Variants in PRKACB observed in about 807,000 individuals in gnomAD.
The protein encoded by PRKACB is protein kinase cAMP-activated catalytic subunit beta.
A neutral mutation model predicts 51.4 loss-of-function variants in PRKACB; 16 were observed. The observed-to-expected ratio is 0.31, with a 90% confidence interval of 0.21 to 0.47. PRKACB has a LOEUF of 0.47. Ranked by LOEUF, PRKACB falls within the 20% of genes least tolerant of loss-of-function variation. The probability of loss-of-function intolerance (pLI) is 1.00; values close to 1 mark genes in which losing one functional copy is unlikely to be tolerated. For synonymous variants in PRKACB, 147 were observed against 154.4 expected (o/e 0.95, Z 0.35); for missense variants, 309 against 464.5 (o/e 0.67, Z 3.08).
intron 1 of PRKACB, among the ~76,000 whole-genome samples, chr1:84,150,586 A>G (rs946191699): frequency 1.3e-5 from 2 of 152,030 alleles, no homozygotes; most frequent in African/African-American, 4.8e-5. Flanking sequence ...TTATTAGTTC[A>G]TGCAATAACT....
chr1:84,233,064 T>C (rs1471710784), intron 9 of PRKACB, among the ~76,000 whole-genome samples: 1 of 151,628 alleles, frequency 6.6e-6, no homozygotes, highest in South Asian at 2.1e-4. Context: ...GTTGTTCCTT[T>C]CCATGTTTAG....
At chr1:84,110,786 T>A (rs1650169732) in intron 1 of PRKACB, among the ~76,000 whole-genome samples, 1 of 152,070 alleles carries the variant, frequency 6.6e-6, no homozygotes, top group Admixed American at 6.6e-5. Context: ...TTGCTGGATA[T>A]GAACCCTGCA....
intron 8 of PRKACB, among the ~76,000 whole-genome samples, chr1:84,208,165 G>C (rs986916763): frequency 6.6e-6 from 1 of 152,196 alleles, no homozygotes; most frequent in Non-Finnish European, 1.5e-5. Context: ...CAGTAAACTA[G>C]ATAGTGAGTT....
At chr1:84,088,689 T>C (rs1648214716) in intron 1 of PRKACB, among the ~76,000 whole-genome samples, 1 of 152,184 alleles carries the variant, frequency 6.6e-6, no homozygotes, top group African/African-American at 2.4e-5. Context: ...AAGCCATAGT[T>C]CAATTCATAG....
At chr1:84,128,046 T>C (rs1026125303) in intron 1 of PRKACB, among the ~76,000 whole-genome samples, 2 of 146,036 alleles carry the variant, frequency 1.4e-5, no homozygotes, top group African/African-American at 5.1e-5. Flanking sequence ...TTCACTCTTG[T>C]CACCCAGGCT....
At chr1:84,154,066 A>G (rs529976276) in intron 1 of PRKACB, among the ~76,000 whole-genome samples, 1 of 152,226 alleles carries the variant, frequency 6.6e-6, no homozygotes, top group East Asian at 1.9e-4. Context: ...AGCCATTCTA[A>G]CAGATGTGAG....
At chr1:84,232,927 T>C (rs1363598336) in intron 9 of PRKACB, among the ~76,000 whole-genome samples, 2 of 152,128 alleles carry the variant, frequency 1.3e-5, no homozygotes, top group Non-Finnish European at 2.9e-5. Context: ...AAAGTTAATA[T>C]TGTTATGTGT....
intron 1 of PRKACB, chr1:84,175,802 C>T: frequency 1.3e-6 from 2 of 1,566,786 alleles, no homozygotes; most frequent in Admixed American, 1.9e-5. Context: ...CATGTAGATT[C>T]CTTTGGTATG....
chr1:84,194,975 C>T (rs1199802162), intron 5 of PRKACB, among the ~76,000 whole-genome samples: 1 of 152,080 alleles, frequency 6.6e-6, no homozygotes, highest in East Asian at 1.9e-4. Flanking sequence ...TCCAATTAAA[C>T]ACCAGCATAT....
chr1:84,166,883 A>G (rs1167968523), intron 1 of PRKACB, among the ~76,000 whole-genome samples: 1 of 151,570 alleles, frequency 6.6e-6, no homozygotes, highest in Non-Finnish European at 1.5e-5. Flanking sequence ...CCATGCCTAC[A>G]TCTTCAGTCA....
chr1:84,082,954 A>G (rs77726243), intron 1 of PRKACB, among the ~76,000 whole-genome samples: 1,705 of 152,308 alleles, frequency 0.011, 51 homozygotes, highest in East Asian at 0.074. Context: ...TTATTTCCTC[A>G]GAATAAGCAT....
intron 1 of PRKACB, among the ~76,000 whole-genome samples, chr1:84,174,736 AT>A (rs926037515): frequency 6.6e-6 from 1 of 151,886 alleles, no homozygotes; most frequent in African/African-American, 2.4e-5. Flanking sequence ...GTATGTCAAT[AT>A]TTGCTTCTTA....
chr1:84,231,891 T>C (rs1675741248), intron 9 of PRKACB, among the ~76,000 whole-genome samples: 1 of 151,730 alleles, frequency 6.6e-6, no homozygotes, highest in African/African-American at 2.4e-5. Flanking sequence ...TCATTAATTT[T>C]TTGAAGGGTT....
chr1:84,214,858 T>C (rs776697873), intron 9 of PRKACB, among the ~76,000 whole-genome samples: 68 of 152,202 alleles, frequency 4.5e-4, no homozygotes, highest in Non-Finnish European at 8.5e-4. Context: ...GTTTCCTTTG[T>C]TAAATTTTTC....
chr1:84,235,651 G>T lies in PRKACB; in HGVS notation c.*346G>T. 1 of 187,892 alleles carries T rather than the reference G, an allele frequency of 5.3e-6. No homozygotes were observed. The highest frequency in any genetic ancestry group is 1.3e-4 in the South Asian group (1 of 7,510). 11.6% of individuals were successfully genotyped at this position (187,892 alleles called of 1,614,324 possible). On this transcript the variant is annotated 3_prime_UTR_variant, in exon 10 of 10. Transcript: ENST00000370685. Reference sequence around the variant, plus strand: ...TTTGTTGGTGTTTCAGATGGGCAGTGTTATGGCTACGTGATATTTGAAGGG... The same window carrying T: ...TTTGTTGGTGTTTCAGATGGGCAGTTTTATGGCTACGTGATATTTGAAGGG...
At chr1:84,205,319 A>G (rs547305807) in intron 8 of PRKACB, 8 of 945,330 alleles carry the variant, frequency 8.5e-6, no homozygotes, top group African/African-American at 1.8e-5. Flanking sequence ...ATGTGTCTCT[A>G]TTCACATTGC....
chr1:84,078,562 C>G (rs1235751398), intron 1 of PRKACB, among the ~76,000 whole-genome samples: 1 of 152,228 alleles, frequency 6.6e-6, no homozygotes. Context: ...GCGTTGAGAG[C>G]TGAACGCGAA....
chr1:84,149,184 A>AT (rs1654519008), intron 1 of PRKACB, among the ~76,000 whole-genome samples: 1 of 152,190 alleles, frequency 6.6e-6, no homozygotes, highest in African/African-American at 2.4e-5. Flanking sequence ...AGTATACATA[A>AT]TTCTGCCAAA....
chr1:84,228,737 C>G (rs1182005786), intron 9 of PRKACB, among the ~76,000 whole-genome samples: 1 of 151,760 alleles, frequency 6.6e-6, no homozygotes, highest in Non-Finnish European at 1.5e-5. Context: ...ACAAAATAAA[C>G]TTGGGAATTA....
Sources: gnomAD v4.1 joint callset for allele counts (sites outside exome capture counted in the v4.1 genomes callset) on GRCh38, gnomAD v4.1.1 for gene constraint, MANE v1.5 for transcripts, NCBI Gene and HGNC (gene_info 2026-07-23, HGNC 2026-07-21) for gene names.